The following STAB2 variants were observed in gnomAD, a reference collection of about 807,000 sequenced individuals.
STAB2 encodes the protein stabilin-2.
Under a neutral mutation model 338.1 loss-of-function variants are expected in STAB2, and 288 were observed. The observed-to-expected ratio is 0.85, with a 90% CI of 0.77 to 0.94. STAB2 has a LOEUF of 0.94. Ranked by LOEUF, STAB2 falls within the 40% of genes least tolerant of loss-of-function variation. The probability of loss-of-function intolerance (pLI) is 0.00; values close to 1 mark genes in which losing one functional copy is unlikely to be tolerated. For missense variants in STAB2, 3,141 were observed against 3,210.1 expected (o/e 0.98, Z 0.52); for synonymous variants, 1,202 against 1,193.3 (o/e 1.01, Z -0.15).
At chr12:103,716,428 G>A (rs2139022963) in intron 43 of STAB2, among the ~76,000 whole-genome samples, 1 of 152,278 alleles carries the variant, frequency 6.6e-6, no homozygotes, top group Non-Finnish European at 1.5e-5. Flanking sequence ...GAGGCCTGGA[G>A]ACCCAAGTTC....
intron 59 of STAB2, among the ~76,000 whole-genome samples, chr12:103,750,213 TAGAG>T (rs1172348923): frequency 6.6e-6 from 1 of 152,038 alleles, no homozygotes; most frequent in South Asian, 2.1e-4. Context: ...TGTGCACAAG[TAGAG>T]AGAGGGGGCA....
rs558863377 is a variant in STAB2 at position 103,635,903 on chromosome 12, T to G, written c.584-1208T>G. Among the ~76,000 whole-genome samples the G allele has an allele frequency of 2.0e-5, 3 of 152,318 alleles. No individual in the cohort carries two copies. The South Asian group carries it at 6.2e-4, about 32-fold the overall frequency. ...ATATTGTCAAGGCATCTCTGCAACT[T>G]TGCTATCCAGTGACTAACGCCATGC... On this transcript the variant is annotated intron_variant, in intron 6 of 68. Transcript: ENST00000388887.
chr12:103,671,318 G>A (rs1875763879), intron 22 of STAB2, among the ~76,000 whole-genome samples: 1 of 152,122 alleles, frequency 6.6e-6, no homozygotes, highest in Non-Finnish European at 1.5e-5. Context: ...AGGGTGTGGT[G>A]GCAGGTGCCT....
At chr12:103,591,595 G>C (rs541319731) in intron 2 of STAB2, among the ~76,000 whole-genome samples, 1 of 152,074 alleles carries the variant, frequency 6.6e-6, no homozygotes, top group Admixed American at 6.5e-5. Flanking sequence ...GAAAATCTGG[G>C]TTTTATTTAA....
At chr12:103,638,886 T>C (rs895047708) in intron 8 of STAB2, among the ~76,000 whole-genome samples, 1 of 152,238 alleles carries the variant, frequency 6.6e-6, no homozygotes, top group African/African-American at 2.4e-5. Flanking sequence ...CAGAAGGGTA[T>C]TGCTGCACAG....
At chr12:103,663,058 C>T (rs896811727) in intron 18 of STAB2, 60 bp downstream of exon 18, 7 of 1,577,426 alleles carry the variant, frequency 4.4e-6, no homozygotes, top group African/African-American at 1.4e-5. Context: ...AGAGAGCATC[C>T]CACTCCTCAC....
chr12:103,688,048 C>T, intron 27 of STAB2, 120 bp from the exon 28 acceptor site: 1 of 937,686 alleles, frequency 1.1e-6, no homozygotes, highest in Admixed American at 1.8e-5. Flanking sequence ...GGACAACGAG[C>T]CTAGCCCCAG....
intron 34 of STAB2, among the ~76,000 whole-genome samples, 176 bp from the exon 35 acceptor site, chr12:103,702,972 T>C (rs949483571): frequency 6.6e-6 from 1 of 152,250 alleles, no homozygotes; most frequent in Non-Finnish European, 1.5e-5. Context: ...GCCAGGACTG[T>C]TATTCAGACT....
intron 27 of STAB2, among the ~76,000 whole-genome samples, chr12:103,686,493 G>A (rs1398058978): frequency 6.6e-6 from 1 of 152,102 alleles, no homozygotes; most frequent in African/African-American, 2.4e-5. Flanking sequence ...TCTCCACACA[G>A]ACTTCACTCT....
At chr12:103,742,014 TCA>T (rs1882623867) in intron 55 of STAB2, among the ~76,000 whole-genome samples, 1 of 152,228 alleles carries the variant, frequency 6.6e-6, no homozygotes, top group South Asian at 2.1e-4. Flanking sequence ...CAAAATGTTC[TCA>T]GTTATAATGC....
chr12:103,737,806 T>A, intron 53 of STAB2, 26 bp downstream of exon 53: 1 of 1,612,894 alleles, frequency 6.2e-7, no homozygotes, highest in Middle Eastern at 1.7e-4. Context: ...AACAGTGTAG[T>A]AAGAGAACCT....
intron 8 of STAB2, among the ~76,000 whole-genome samples, chr12:103,638,747 C>G (rs1336397603): frequency 2.0e-5 from 3 of 152,240 alleles, no homozygotes; most frequent in Admixed American, 6.5e-5. Context: ...TCAGGAGACC[C>G]TCACTGAGGA....
chr12:103,746,050 G>C (rs1883005594), intron 57 of STAB2, among the ~76,000 whole-genome samples: 1 of 152,168 alleles, frequency 6.6e-6, no homozygotes, highest in Non-Finnish European at 1.5e-5. Context: ...GCAACCTGAA[G>C]TTTCATGGGT....
intron 3 of STAB2, among the ~76,000 whole-genome samples, chr12:103,601,258 G>T (rs936369541): frequency 2.6e-5 from 4 of 151,936 alleles, no homozygotes; most frequent in Non-Finnish European, 5.9e-5. Context: ...AATAAAGCAA[G>T]GGCAGCACAA....
At chr12:103,639,709 A>G (rs1183012122) in intron 8 of STAB2, among the ~76,000 whole-genome samples, 6 of 151,264 alleles carry the variant, frequency 4.0e-5, no homozygotes. Flanking sequence ...TGTCTCAAAA[A>G]AAAAAAAAAA....
intron 3 of STAB2, among the ~76,000 whole-genome samples, chr12:103,600,762 C>T (rs1160114682): frequency 1.9e-5 from 2 of 105,326 alleles, no homozygotes; most frequent in Admixed American, 1.7e-4. Flanking sequence ...GATGTTGTGG[C>T]TCAAGAAAGC....
chr12:103,720,841 T>C (rs1195663957), intron 44 of STAB2, among the ~76,000 whole-genome samples: 1 of 152,238 alleles, frequency 6.6e-6, no homozygotes, highest in African/African-American at 2.4e-5. Flanking sequence ...TAGTTCTGTG[T>C]CTGCTGCAGG....
intron 27 of STAB2, among the ~76,000 whole-genome samples, chr12:103,687,030 G>C (rs1877496752): frequency 2.0e-5 from 3 of 152,016 alleles, no homozygotes; most frequent in African/African-American, 7.2e-5. Context: ...TTATTGACTT[G>C]CTTAATAACC....
intron 53 of STAB2, 114 bp downstream of exon 53, chr12:103,737,894 G>T: frequency 7.2e-7 from 1 of 1,382,044 alleles, no homozygotes. Context: ...AGCAAGACTA[G>T]GACCCAGAAG....
Sources: gnomAD v4.1 joint callset for allele counts (sites outside exome capture counted in the v4.1 genomes callset) on GRCh38, gnomAD v4.1.1 for gene constraint, MANE v1.5 for transcripts, NCBI Gene and HGNC (gene_info 2026-07-23, HGNC 2026-07-21) for gene names.